The following ATP9B variants were observed in gnomAD, a reference collection of about 807,000 sequenced individuals.
ATP9B encodes the protein ATPase phospholipid transporting 9B.
In ATP9B, 110 loss-of-function variants were observed where a neutral mutation model predicts 146.1. That is an observed-to-expected ratio of 0.75 (90% CI 0.65 to 0.88). The LOEUF (loss-of-function observed/expected upper bound fraction) is 0.88. Ranked by LOEUF, ATP9B falls within the 40% of genes least tolerant of loss-of-function variation. The pLI is 0.00. For synonymous variants in ATP9B, 604 were observed against 569.7 expected (o/e 1.06, Z -0.86); for missense variants, 1,499 against 1,496.4 (o/e 1.00, Z -0.03).
At chr18:79,100,619 A>T (rs1408094274) in intron 2 of ATP9B, among the ~76,000 whole-genome samples, 1 of 152,184 alleles carries the variant, frequency 6.6e-6, no homozygotes, top group Non-Finnish European at 1.5e-5. Context: ...TGAATTTGGA[A>T]ATAATTAGCT....
chr18:79,364,330 C>G (rs1423943494), intron 26 of ATP9B: 1 of 151,748 alleles, frequency 6.6e-6, no homozygotes, highest in Non-Finnish European at 1.5e-5. Flanking sequence ...CTACCTGATT[C>G]CAAGACTTAC....
At chr18:79,084,022 C>G (rs2073555582) in intron 1 of ATP9B, among the ~76,000 whole-genome samples, 2 of 151,958 alleles carry the variant, frequency 1.3e-5, no homozygotes, top group African/African-American at 4.8e-5. Flanking sequence ...CCATGCCCGG[C>G]TAATTTTTTT....
chr18:79,091,334 T>A (rs1190458287), intron 1 of ATP9B, among the ~76,000 whole-genome samples: 1 of 152,208 alleles, frequency 6.6e-6, no homozygotes, highest in Non-Finnish European at 1.5e-5. Context: ...CATTGGTATT[T>A]CGATAGGGAT....
At chr18:79,253,098 C>T (rs1239910412) in intron 11 of ATP9B, among the ~76,000 whole-genome samples, 1 of 152,210 alleles carries the variant, frequency 6.6e-6, no homozygotes, top group African/African-American at 2.4e-5. Context: ...TTCACTTTGC[C>T]TGAGCCGGTG....
chr18:79,310,435 TGAG>T (rs943741869), intron 15 of ATP9B, among the ~76,000 whole-genome samples: 2 of 152,178 alleles, frequency 1.3e-5, no homozygotes, highest in East Asian at 1.9e-4. Flanking sequence ...TGTTGATAAT[TGAG>T]GAGGAGCTAT....
intron 13 of ATP9B, among the ~76,000 whole-genome samples, chr18:79,297,805 T>A (rs1202209502): frequency 6.7e-6 from 1 of 148,496 alleles, no homozygotes; most frequent in Non-Finnish European, 1.5e-5. Context: ...TAATTGTATC[T>A]AATGCTGGCC....
At chr18:79,089,718 G>A (rs566782016) in intron 1 of ATP9B, among the ~76,000 whole-genome samples, 13 of 152,196 alleles carry the variant, frequency 8.5e-5, no homozygotes, top group African/African-American at 2.2e-4. Flanking sequence ...TGATGGAATC[G>A]GGTAATTGGG....
intron 16 of ATP9B, 148 bp from the exon 17 acceptor site, chr18:79,329,864 C>G (rs947291686): frequency 2.9e-6 from 2 of 685,780 alleles, no homozygotes; most frequent in Middle Eastern, 7.7e-4. Flanking sequence ...GCCTAGCCCT[C>G]CGCGTAGAAA....
At chr18:79,099,911 G>A (rs2075128980) in intron 2 of ATP9B, among the ~76,000 whole-genome samples, 1 of 152,088 alleles carries the variant, frequency 6.6e-6, no homozygotes, top group Non-Finnish European at 1.5e-5. Flanking sequence ...TGGATCACGA[G>A]GTCAAGAGAT....
chr18:79,367,845 G>A (rs868097753), intron 26 of ATP9B, among the ~76,000 whole-genome samples: 7 of 152,254 alleles, frequency 4.6e-5, no homozygotes, highest in Admixed American at 1.3e-4. Context: ...ATTCCAAAAA[G>A]ACATGTCCGG....
At chr18:79,115,592 AAG>A in intron 4 of ATP9B, 2 of 122,338 alleles carry the variant, frequency 1.6e-5, no homozygotes, top group East Asian at 4.9e-4. Context: ...AATGGAACAG[AAG>A]AGAGCCCTCA....
chr18:79,277,871 C>G (rs2096330935), intron 13 of ATP9B, among the ~76,000 whole-genome samples: 1 of 152,072 alleles, frequency 6.6e-6, no homozygotes, highest in Non-Finnish European at 1.5e-5. Flanking sequence ...TAAAAGAATA[C>G]TTATATAGCG....
intron 9 of ATP9B, among the ~76,000 whole-genome samples, chr18:79,197,798 G>A (rs1007071691): frequency 5.2e-4 from 79 of 152,162 alleles, no homozygotes; most frequent in African/African-American, 1.9e-3. Context: ...GTAATTAAAC[G>A]TCTCTGCAGT....
chr18:79,172,920 A>G (rs2095101409), intron 7 of ATP9B, among the ~76,000 whole-genome samples: 2 of 152,138 alleles, frequency 1.3e-5, no homozygotes, highest in Admixed American at 1.3e-4. Flanking sequence ...GCTGATTTTT[A>G]TGGTCATTCT....
intron 9 of ATP9B, among the ~76,000 whole-genome samples, chr18:79,202,929 GT>G (rs2095501749): frequency 6.6e-6 from 1 of 152,164 alleles, no homozygotes; most frequent in African/African-American, 2.4e-5. Flanking sequence ...AAATTTTTAT[GT>G]TTTTTAATGC....
At chr18:79,363,186 C>G (rs2097000729) in intron 26 of ATP9B, 1 of 152,112 alleles carries the variant, frequency 6.6e-6, no homozygotes, top group African/African-American at 2.4e-5. Context: ...ATTTTTGATT[C>G]TGTACACTAG....
rs1309762489 is a variant in ATP9B, at chr18:79,069,516, G to T, written c.106G>T (p.Asp36Tyr). Reference sequence around the variant, plus strand: ...CGCCGCGGGGCCCAGGCCGGGAGCCGACCGGCACAGCAGGTAACCGAGGCG... The same window carrying T: ...CGCCGCGGGGCCCAGGCCGGGAGCCTACCGGCACAGCAGGTAACCGAGGCG... ...YSAAGPRPGA[D>Y]RHSRYQLEDE... is the part of the protein sequence containing the mutation. The change falls in exon 1 of 30, where the codon GAC becomes TAC. Residue 36 changes from aspartate (D) to tyrosine (Y), a missense_variant. By Grantham distance (160) the Asp-to-Tyr change is radical (BLOSUM62 -3). Transcript: ENST00000426216. The T allele has an allele frequency of 3.5e-6, 5 of 1,425,514 alleles. No homozygotes were observed. The East Asian group carries it at 1.2e-4, about 35-fold the overall frequency. 88.3% of individuals were successfully genotyped at this position (1,425,514 alleles called of 1,614,324 possible). A position where few individuals can be genotyped will look rare whatever the true frequency, so the allele number is the denominator to read the frequency against.
chr18:79,122,106 T>G (rs1338253034), intron 4 of ATP9B, among the ~76,000 whole-genome samples: 1 of 152,160 alleles, frequency 6.6e-6, no homozygotes, highest in Non-Finnish European at 1.5e-5. Context: ...TCAGGTAGGG[T>G]CTGAGCAAAT....
chr18:79,128,193 G>A (rs1457949839), intron 5 of ATP9B, among the ~76,000 whole-genome samples: 2 of 151,400 alleles, frequency 1.3e-5, no homozygotes, highest in Non-Finnish European at 2.9e-5. Flanking sequence ...CCGAGAAACT[G>A]GGATTACAGG....
Sources: allele counts gnomAD v4.1 joint callset (sites outside exome capture counted in the v4.1 genomes callset), GRCh38; gene constraint gnomAD v4.1.1; transcripts MANE v1.5; gene names NCBI Gene and HGNC (gene_info 2026-07-23, HGNC 2026-07-21).